MACROD2: variants seen among roughly 807,000 people sequenced by gnomAD.
The protein encoded by MACROD2 is mono-ADP ribosylhydrolase 2.
Under a neutral mutation model 70.4 loss-of-function variants are expected in MACROD2, and 36 were observed. The observed-to-expected ratio is 0.51, with a 90% CI of 0.39 to 0.68. The LOEUF (loss-of-function observed/expected upper bound fraction) is 0.68. MACROD2 is among the 30% of genes least tolerant of loss of function. The probability of loss-of-function intolerance (pLI) is 0.00; values close to 1 mark genes in which losing one functional copy is unlikely to be tolerated. For missense variants in MACROD2, 496 were observed against 538.4 expected (o/e 0.92, Z 0.78); for synonymous variants, 172 against 178.8 (o/e 0.96, Z 0.30).
chr20:15,145,015 G>C (rs467252), intron 5 of MACROD2, among the ~76,000 whole-genome samples: 1 of 151,320 alleles, frequency 6.6e-6, no homozygotes, highest in African/African-American at 2.4e-5. Flanking sequence ...CCTGGCAACT[G>C]TTTGCCTTAC....
At chr20:14,537,617 G>A (rs193190642) in intron 4 of MACROD2, among the ~76,000 whole-genome samples, 1 of 152,276 alleles carries the variant, frequency 6.6e-6, no homozygotes, top group Non-Finnish European at 1.5e-5. Context: ...TGGGCTAAGA[G>A]GACGTGAAGC....
intron 6 of MACROD2, among the ~76,000 whole-genome samples, chr20:15,285,867 G>A (rs1292317940): frequency 1.3e-5 from 2 of 152,038 alleles, no homozygotes; most frequent in Non-Finnish European, 1.5e-5. Flanking sequence ...AGTGCTTTAA[G>A]GTGTAGATTT....
In MACROD2 at chr20:14,822,884, G is replaced by T. The variant is rs368949365; in HGVS notation, c.418+137925G>T. Among the ~76,000 whole-genome samples, 51 of 151,794 alleles carry T rather than the reference G, an allele frequency of 3.4e-4. No homozygotes were observed. The South Asian group carries it at 9.2e-3, about 27-fold the overall frequency. ...ATTGGATTTCATTGTATAGAATCTG[G>T]GTATTTATATCTAAAAAAAAGTGCT... On this transcript the variant is annotated intron_variant, in intron 5 of 17. Transcript: ENST00000684519.
intron 9 of MACROD2, among the ~76,000 whole-genome samples, chr20:15,883,451 A>G (rs1423057955): frequency 6.6e-6 from 1 of 152,252 alleles, no homozygotes; most frequent in East Asian, 1.9e-4. Flanking sequence ...TTTAAAAATT[A>G]TGTAGAAAAT....
intron 15 of MACROD2, among the ~76,000 whole-genome samples, chr20:15,996,122 C>T (rs1346956803): frequency 6.6e-6 from 1 of 152,120 alleles, no homozygotes; most frequent in Non-Finnish European, 1.5e-5. Flanking sequence ...TTTCCATTAA[C>T]AGTGTAAAAG....
chr20:15,974,170 A>G (rs938566925), intron 13 of MACROD2, among the ~76,000 whole-genome samples: 2 of 152,210 alleles, frequency 1.3e-5, no homozygotes, highest in African/African-American at 4.8e-5. Context: ...TCAAAGACAG[A>G]TGACTCAATC....
chr20:15,748,343 T>C (rs1258202119), intron 8 of MACROD2, among the ~76,000 whole-genome samples: 1 of 145,876 alleles, frequency 6.9e-6, no homozygotes, highest in East Asian at 1.9e-4. Flanking sequence ...CAAGAAATTT[T>C]CCTCTTTCCT....
chr20:14,742,047 CA>C (rs1477175685), intron 5 of MACROD2, among the ~76,000 whole-genome samples: 3 of 152,104 alleles, frequency 2.0e-5, no homozygotes, highest in Non-Finnish European at 4.4e-5. Context: ...ATAGAAGTGT[CA>C]TTAGCCCACT....
At chr20:15,567,716 C>T (rs1428390844) in intron 8 of MACROD2, among the ~76,000 whole-genome samples, 1 of 152,144 alleles carries the variant, frequency 6.6e-6, no homozygotes, top group Non-Finnish European at 1.5e-5. Flanking sequence ...CACTCAAATA[C>T]CTACAAGGTC....
At chr20:15,678,342 G>A (rs528985684) in intron 8 of MACROD2, among the ~76,000 whole-genome samples, 56 of 151,682 alleles carry the variant, frequency 3.7e-4, no homozygotes, top group African/African-American at 1.2e-3. Flanking sequence ...CTCCAGCCTG[G>A]ACAACAGAGC....
chr20:15,485,959 A>G (rs1189414784), intron 7 of MACROD2, among the ~76,000 whole-genome samples: 1 of 152,194 alleles, frequency 6.6e-6, no homozygotes, highest in African/African-American at 2.4e-5. Flanking sequence ...TTCATTTTAG[A>G]TGATTTAAAG....
intron 3 of MACROD2, among the ~76,000 whole-genome samples, chr20:14,265,804 T>C (rs2082139902): frequency 7.0e-6 from 1 of 142,620 alleles, no homozygotes; most frequent in Admixed American, 7.4e-5. Context: ...TGAGACAGAG[T>C]CTCGCTCTGC....
At chr20:14,862,973 A>G (rs1019468318) in intron 5 of MACROD2, among the ~76,000 whole-genome samples, 2 of 151,642 alleles carry the variant, frequency 1.3e-5, no homozygotes, top group African/African-American at 4.8e-5. Flanking sequence ...CTCCTTTCAC[A>G]CAGAAGATGG....
chr20:15,551,669 G>A (rs1160319021), intron 8 of MACROD2, among the ~76,000 whole-genome samples: 1 of 151,962 alleles, frequency 6.6e-6, no homozygotes, highest in Non-Finnish European at 1.5e-5. Flanking sequence ...AGGAGTTAGA[G>A]ACCAGCCTGG....
chr20:14,779,982 G>A (rs561966575), intron 5 of MACROD2, among the ~76,000 whole-genome samples: 1 of 152,212 alleles, frequency 6.6e-6, no homozygotes, highest in East Asian at 1.9e-4. Flanking sequence ...CCTTAACTGT[G>A]TGAAGTAGAT....
intron 5 of MACROD2, among the ~76,000 whole-genome samples, chr20:14,737,277 G>A (rs4813166): frequency 0.27 from 41,022 of 152,038 alleles, 6,485 homozygotes; most frequent in East Asian, 0.43. Flanking sequence ...TGCAAAGGAC[G>A]TGAACTCATC....
intron 5 of MACROD2, among the ~76,000 whole-genome samples, chr20:14,921,604 C>T (rs2074164653): frequency 6.6e-6 from 1 of 152,158 alleles, no homozygotes. Context: ...GATGTCTGCC[C>T]AGCTGGCCCA....
chr20:14,919,208 C>A (rs924006287), intron 5 of MACROD2, among the ~76,000 whole-genome samples: 2 of 152,234 alleles, frequency 1.3e-5, no homozygotes, highest in East Asian at 3.9e-4. Context: ...AGTAAAAGTT[C>A]CAGAAAGAGC....
intron 5 of MACROD2, among the ~76,000 whole-genome samples, chr20:15,174,919 G>A (rs2076448668): frequency 6.6e-6 from 1 of 151,990 alleles, no homozygotes; most frequent in South Asian, 2.1e-4. Context: ...TTTGTCAGAT[G>A]AGTAGGTTGT....
Sources: allele counts gnomAD v4.1 joint callset (sites outside exome capture counted in the v4.1 genomes callset), GRCh38; gene constraint gnomAD v4.1.1; transcripts MANE v1.5; gene names NCBI Gene and HGNC (gene_info 2026-07-23, HGNC 2026-07-21).